The following BBC3 variants were observed in gnomAD, a reference collection of about 807,000 sequenced individuals.
BBC3 encodes bcl-2-binding component 3.
In BBC3, 5 loss-of-function variants were observed where a neutral mutation model predicts 18.2. The observed-to-expected ratio is 0.27, with a 90% confidence interval of 0.14 to 0.58. The LOEUF (loss-of-function observed/expected upper bound fraction) is 0.58. Ranked by LOEUF, BBC3 falls within the 20% of genes least tolerant of loss-of-function variation. BBC3 has a pLI of 0.91. For synonymous variants in BBC3, 119 were observed against 128.0 expected, an observed-to-expected ratio of 0.93 and a Z score of 0.47; for missense variants, 224 against 268.9, an observed-to-expected ratio of 0.83 and a Z score of 1.17.
intron 3 of BBC3, among the ~76,000 whole-genome samples, chr19:47,226,062 G>A (rs1053463947): frequency 6.6e-6 from 1 of 151,396 alleles, no homozygotes; most frequent in African/African-American, 2.4e-5. Context: ...TTAAAAAATC[G>A]AGGCCGTGCC....
At chr19:47,226,807 G>C in intron 2 of BBC3, 53 bp from the exon 3 acceptor site, 1 of 1,345,366 alleles carries the variant, frequency 7.4e-7, no homozygotes, top group Non-Finnish European at 9.6e-7. Flanking sequence ...CAGGCCTCGA[G>C]GTGTCTCGGC....
Position 47,228,970 on chromosome 19 carries a change from G to A in BBC3, c.-15-524C>T, listed in dbSNP as rs1324991045. Among the ~76,000 whole-genome samples, 4 of 151,484 alleles carry A rather than the reference G, an allele frequency of 2.6e-5. No homozygotes were observed. Among genetic ancestry groups the A allele is most frequent in the African/African-American group, 7.3e-5 (3 of 41,034 alleles). On this transcript the variant is annotated intron_variant, in intron 1 of 3. Transcript: ENST00000439096. The surrounding 1 kb of genome is among the most constrained non-coding windows in gnomAD (Gnocchi z 5.5). ...CAAACACTGAGATGGCCCCAGTCTCGGACATCACTACTCAGTACACACAAT... is the reference window on the plus strand; with the variant it reads ...CAAACACTGAGATGGCCCCAGTCTCAGACATCACTACTCAGTACACACAAT...
chr19:47,226,978 C>G, intron 2 of BBC3: 1 of 427,516 alleles, frequency 2.3e-6, no homozygotes. Flanking sequence ...GTCCCCACGG[C>G]CCTTGTCAGT....
chr19:47,231,249 C>CCGCCCCGCCCCCGCCCGGCGGGTCCCA (rs1286641877), upstream of BBC3: 8 of 963,486 alleles, frequency 8.3e-6, 1 homozygote, highest in Non-Finnish European at 9.9e-6. The surrounding 1 kb of genome is among the most constrained non-coding windows in gnomAD (Gnocchi z 4.0). Context: ...CCGCCCCGCC[C>CCGCCCCGCCCCCGCCCGGCGGGTCCCA]CGCCCCGCCC....
In BBC3 at chr19:47,221,833, C is replaced by T. The variant is rs2058755324; in HGVS notation, c.551G>A (p.Gly184Asp). 3 of 1,613,660 alleles carry T rather than the reference C, an allele frequency of 1.9e-6. No individual in the cohort carries two copies. Among genetic ancestry groups the T allele is most frequent in the Non-Finnish European group, 1.7e-6 (2 of 1,179,850 alleles). ...LIMGLLPLPR[G>D]HRAPEMEPN ...GGGCTCCATCTCGGGGGCTCTGTGG[C>T]CCCTGGGTAAGGGCAGGAGTCCCAT... is the stretch of plus-strand genomic sequence containing the variant. Residue 184 changes from glycine (G) to aspartate (D), a missense_variant, in exon 4 of 4, where the codon GGC becomes GAC. By Grantham distance (94) the Gly-to-Asp change is moderately conservative. Coordinates refer to ENST00000439096, the MANE Select transcript of BBC3 (RefSeq NM_014417.5).
In BBC3 at chr19:47,228,193, C is replaced by T. The variant is rs1204858738; in HGVS notation, c.239G>A (p.Gly80Asp). The change falls in exon 2 of 4, where the codon GGT becomes GAT. Residue 80 changes from glycine to aspartate, a missense_variant. Transcript: ENST00000439096. This position sits in a 1 kb window ranked among gnomAD's most constrained non-coding sequence, Gnocchi z 5.5. ...CGGGCCTCGGGGCCGGCTGCGGGGA[C>T]CCCCAGGCCAGCGGGAACCCCCCAG... Reference protein sequence around the residue: ...AALGGSRWPGGPRSRPRGPRP... With the variant: ...AALGGSRWPGDPRSRPRGPRP... 1.6e-6 allele frequency: 2 copies of T among 1,224,476 alleles called. No homozygotes were observed. The highest frequency in any genetic ancestry group is 2.0e-6 in the Non-Finnish European group (2 of 983,350). The allele number at this position is 1,224,476 out of a possible 1,614,324, so 75.9% of individuals were successfully genotyped here. A position where few individuals can be genotyped will look rare whatever the true frequency, so the allele number is the denominator to read the frequency against.
chr19:47,231,111 C>A lies in BBC3; in HGVS notation c.-198G>T. On this transcript the variant is annotated 5_prime_UTR_variant, in exon 1 of 4. Coordinates refer to ENST00000439096, the MANE Select transcript of BBC3 (RefSeq NM_014417.5). This position sits in a 1 kb window ranked among gnomAD's most constrained non-coding sequence, Gnocchi z 4.0. ...CTGCTGCTGCTCCCCGGGCCGCAGG[C>A]GCGTCCGCGTCGTGGCCGCTGCTGG... The A allele has an allele frequency of 2.0e-6, 2 of 976,782 alleles. No homozygotes were observed. The highest frequency in any genetic ancestry group is 1.0e-3 in the Middle Eastern group (2 of 1,910). 60.5% of individuals were successfully genotyped at this position (976,782 alleles called of 1,614,324 possible).
chr19:47,224,559 G>C (rs966977544), intron 3 of BBC3, among the ~76,000 whole-genome samples: 1 of 152,038 alleles, frequency 6.6e-6, no homozygotes, highest in Non-Finnish European at 1.5e-5. Flanking sequence ...CCAGGAGTTG[G>C]AGGCTGCAGG....
At chr19:47,232,514 C>T (rs534023963), upstream of BBC3, 17 of 1,548,412 alleles carry the variant, frequency 1.1e-5, no homozygotes, top group South Asian at 1.8e-4. Flanking sequence ...GCCACACTCA[C>T]CACAAATCTG....
chr19:47,231,985 C>G (rs2058919788), upstream of BBC3, among the ~76,000 whole-genome samples: 1 of 152,208 alleles, frequency 6.6e-6, no homozygotes, highest in Non-Finnish European at 1.5e-5. The surrounding 1 kb of genome is among the most constrained non-coding windows in gnomAD (Gnocchi z 4.0). Context: ...ACGGCCAAAT[C>G]CAAATCACAC....
intron 3 of BBC3, 57 bp from the exon 4 acceptor site, chr19:47,221,975 T>G (rs201625694): frequency 4.1e-6 from 6 of 1,462,780 alleles, no homozygotes; most frequent in East Asian, 4.8e-5. Flanking sequence ...GTGATGGGAG[T>G]GGGGATGGTC....
rs1169911668 is a variant in BBC3 at position 47,228,729 on chromosome 19, G to A, written c.-15-283C>T. 6.6e-6 allele frequency among the ~76,000 whole-genome samples: 1 copy of A among 151,984 alleles called. No individual in the cohort carries two copies. On this transcript the variant is annotated intron_variant, in intron 1 of 3. Coordinates refer to ENST00000439096, the MANE Select transcript of BBC3 (RefSeq NM_014417.5). The surrounding 1 kb of genome is among the most constrained non-coding windows in gnomAD (Gnocchi z 5.5). ...AGGGCTCACACAGGACGGATGGAGG[G>A]GTCTAGCAGGTGTGTGTATGAGGGC...
chr19:47,227,454 C>T (rs1477940463), intron 2 of BBC3, among the ~76,000 whole-genome samples: 2 of 152,158 alleles, frequency 1.3e-5, no homozygotes, highest in African/African-American at 2.4e-5. Flanking sequence ...ATCGGTGTCC[C>T]CTTCCAGGGC....
At chr19:47,222,155 C>T (rs562468827) in intron 3 of BBC3, 15 of 457,118 alleles carry the variant, frequency 3.3e-5, no homozygotes, top group East Asian at 2.5e-4. Context: ...CAAGCGAGTG[C>T]GTGGCACATT....
intron 2 of BBC3, chr19:47,227,324 C>CGA (rs2058843126): frequency 7.4e-6 from 1 of 135,980 alleles, no homozygotes; most frequent in Non-Finnish European, 1.6e-5. Flanking sequence ...CCCCCCCCCC[C>CGA]CCCACTTCTG....
chr19:47,225,867 T>C (rs891469021), intron 3 of BBC3, among the ~76,000 whole-genome samples: 1 of 152,012 alleles, frequency 6.6e-6, no homozygotes, highest in Admixed American at 6.6e-5. Flanking sequence ...GAGATTTCCT[T>C]TGGATGCAAG....
At chr19:47,223,270 C>CAA in intron 3 of BBC3, among the ~76,000 whole-genome samples, 1 of 96,402 alleles carries the variant, frequency 1.0e-5, no homozygotes, top group African/African-American at 4.0e-5. Flanking sequence ...GACTCCATCT[C>CAA]AAAAAAAAAA....
chr19:47,228,007 G>T lies in BBC3; in HGVS notation c.274+151C>A, dbSNP rs2058857990. ...CCCAGCCTCCGTCTTCCTGCTTCTT[G>T]CAACACAAAGACCACATTGGCCACA... On this transcript the variant is annotated intron_variant, in intron 2 of 3. Coordinates refer to ENST00000439096, the MANE Select transcript of BBC3 (RefSeq NM_014417.5). The surrounding 1 kb of genome is among the most constrained non-coding windows in gnomAD (Gnocchi z 5.5). 1 of 586,544 alleles carries T rather than the reference G, an allele frequency of 1.7e-6. No individual in the cohort carries two copies. Among genetic ancestry groups the T allele is most frequent in the Non-Finnish European group, 2.5e-6 (1 of 408,106 alleles). 36.3% of individuals were successfully genotyped at this position (586,544 alleles called of 1,614,324 possible). A position where few individuals can be genotyped will look rare whatever the true frequency, so the allele number is the denominator to read the frequency against.
Position 47,228,301 on chromosome 19 carries a change from A to T in BBC3, c.131T>A (p.Leu44Gln). 4 of 1,221,636 alleles carry T rather than the reference A, an allele frequency of 3.3e-6. No homozygotes were observed. Among genetic ancestry groups the T allele is most frequent in the Non-Finnish European group, 4.1e-6 (4 of 981,718 alleles). The allele number at this position is 1,221,636 out of a possible 1,614,324, so 75.7% of individuals were successfully genotyped here. Residue 44 changes from leucine (L) to glutamine (Q), a missense_variant, in exon 2 of 4, where the codon CTG becomes CAG. Physicochemically the swap from Leu to Gln is moderately radical, Grantham distance 113 (BLOSUM62 -2). Transcript: ENST00000439096. This position sits in a 1 kb window ranked among gnomAD's most constrained non-coding sequence, Gnocchi z 5.5. ...AVSCGLCEPG[L>Q]AAAPAAPTLL... ...GGTGGGGGCGGCGGGGGCGGCAGCC[A>T]GGCCGGGCTCGCAGAGGCCGCAGGA...
Sources: gnomAD v4.1 joint callset for allele counts (sites outside exome capture counted in the v4.1 genomes callset) on GRCh38, gnomAD v4.1.1 for gene constraint, Gnocchi (gnomAD v3.1) non-coding constraint, MANE v1.5 for transcripts, NCBI Gene and HGNC (gene_info 2026-07-23, HGNC 2026-07-21) for gene names.